RASGRF2: variants seen among roughly 807,000 people sequenced by gnomAD.
RASGRF2 encodes Ras protein specific guanine nucleotide releasing factor 2, also known as ras-specific guanine nucleotide-releasing factor 2.
RASGRF2 carries 76 observed loss-of-function variants against 151.0 expected under a neutral mutation model. That is an observed-to-expected ratio of 0.50 (90% CI 0.42 to 0.61). The LOEUF is 0.61. RASGRF2 is among the 20% of genes least tolerant of loss of function. RASGRF2 has a pLI of 0.00. For synonymous variants in RASGRF2, 504 were observed against 566.5 expected (o/e 0.89, Z 1.57); for missense variants, 1,148 against 1,564.6 (o/e 0.73, Z 4.49).
At chr5:81,051,897 A>G (rs1284861286) in intron 2 of RASGRF2, among the ~76,000 whole-genome samples, 1 of 152,182 alleles carries the variant, frequency 6.6e-6, no homozygotes, top group Non-Finnish European at 1.5e-5. Flanking sequence ...GAGATGCCAA[A>G]CTGTTTTCTA....
intron 1 of RASGRF2, among the ~76,000 whole-genome samples, chr5:81,000,516 T>C (rs974733273): frequency 6.6e-6 from 1 of 152,224 alleles, no homozygotes; most frequent in Non-Finnish European, 1.5e-5. Context: ...GTAATGGGAT[T>C]ACAGGTGAGA....
chr5:81,168,977 C>T (rs1754580142), intron 17 of RASGRF2, among the ~76,000 whole-genome samples: 1 of 152,212 alleles, frequency 6.6e-6, no homozygotes, highest in African/African-American at 2.4e-5. Flanking sequence ...GGCTCTTTGA[C>T]CAATATCTCC....
rs1389350282 is a variant in RASGRF2 at position 81,200,269 on chromosome 5, AT to A, written c.2794-1058del. Reference sequence around the variant, plus strand: ...CTGGGTGACAGAGAGAGACCCTGTGATTTAAAAAAAAAAAAAAAAAGAAGAA... The same window carrying A: ...CTGGGTGACAGAGAGAGACCCTGTGATTAAAAAAAAAAAAAAAAAGAAGAA... On this transcript the variant is annotated intron_variant, in intron 18 of 26. Transcript: ENST00000265080. Among the ~76,000 whole-genome samples, 5 of 145,940 alleles carry A rather than the reference AT, an allele frequency of 3.4e-5. 1 individual carries two copies. Among genetic ancestry groups the A allele is most frequent in the African/African-American group, 1.0e-4 (4 of 39,586 alleles).
intron 5 of RASGRF2, among the ~76,000 whole-genome samples, chr5:81,078,492 G>A (rs1752000062): frequency 6.6e-6 from 1 of 152,148 alleles, no homozygotes; most frequent in Non-Finnish European, 1.5e-5. Context: ...GTGAGAACAT[G>A]TGATACTTGT....
intron 1 of RASGRF2, among the ~76,000 whole-genome samples, chr5:80,984,044 G>T (rs938154625): frequency 2.0e-5 from 3 of 152,076 alleles, no homozygotes; most frequent in Non-Finnish European, 4.4e-5. Context: ...AATAAACTGA[G>T]CTCGTTTTTC....
chr5:81,181,790 C>G (rs895784490), intron 18 of RASGRF2, among the ~76,000 whole-genome samples: 4 of 152,128 alleles, frequency 2.6e-5, no homozygotes, highest in African/African-American at 9.7e-5. Flanking sequence ...AATCTTCTCC[C>G]CAGAGCCCTC....
chr5:81,123,392 C>T (rs1474704305), intron 15 of RASGRF2, among the ~76,000 whole-genome samples: 1 of 152,200 alleles, frequency 6.6e-6, no homozygotes, highest in Non-Finnish European at 1.5e-5. Context: ...TTAACATCTG[C>T]TGCTGCATTT....
intron 2 of RASGRF2, among the ~76,000 whole-genome samples, chr5:81,045,614 C>G (rs927841337): frequency 1.3e-5 from 2 of 151,908 alleles, no homozygotes; most frequent in African/African-American, 4.8e-5. Context: ...GACTTTTTCC[C>G]TTGATGTTTT....
intron 17 of RASGRF2, among the ~76,000 whole-genome samples, chr5:81,176,681 C>G (rs903922003): frequency 2.6e-5 from 4 of 152,164 alleles, no homozygotes. Context: ...GTATGTGTTC[C>G]TCGGCAGAGG....
chr5:81,074,736 T>C (rs1751886530), intron 5 of RASGRF2, among the ~76,000 whole-genome samples: 1 of 152,184 alleles, frequency 6.6e-6, no homozygotes, highest in African/African-American at 2.4e-5. Context: ...CCATAGTTTT[T>C]TTATAGCAGG....
At chr5:81,157,826 C>T (rs1355653264) in intron 17 of RASGRF2, among the ~76,000 whole-genome samples, 1 of 152,282 alleles carries the variant, frequency 6.6e-6, no homozygotes, top group East Asian at 1.9e-4. Context: ...GGGAAAACCG[C>T]CCCTGTGATT....
At chr5:81,202,153 G>A (rs1346020676) in intron 19 of RASGRF2, among the ~76,000 whole-genome samples, 3 of 152,024 alleles carry the variant, frequency 2.0e-5, no homozygotes, top group Admixed American at 1.3e-4. Flanking sequence ...ATGTGGAAAG[G>A]GCAGCCATTG....
intron 19 of RASGRF2, among the ~76,000 whole-genome samples, chr5:81,205,790 G>T (rs779001804): frequency 2.6e-5 from 4 of 151,774 alleles, no homozygotes; most frequent in Non-Finnish European, 4.4e-5. Flanking sequence ...TTGCTCTGTC[G>T]CCCAGGCTGG....
chr5:81,079,068 C>G (rs1258518198), intron 5 of RASGRF2, among the ~76,000 whole-genome samples: 1 of 152,148 alleles, frequency 6.6e-6, no homozygotes, highest in Non-Finnish European at 1.5e-5. Context: ...GGAAGATGGC[C>G]CCTACTTCCG....
intron 17 of RASGRF2, among the ~76,000 whole-genome samples, chr5:81,130,532 A>T (rs1280562829): frequency 6.6e-6 from 1 of 152,164 alleles, no homozygotes; most frequent in Admixed American, 6.5e-5. Flanking sequence ...AGAGAGCAGA[A>T]GGTGTACTCA....
At chr5:81,192,387 T>G (rs1208630910) in intron 18 of RASGRF2, among the ~76,000 whole-genome samples, 1 of 152,264 alleles carries the variant, frequency 6.6e-6, no homozygotes, top group Non-Finnish European at 1.5e-5. Context: ...CTTCCTTATG[T>G]TTTTCTATTA....
At chr5:80,976,704 C>T (rs145706812) in intron 1 of RASGRF2, among the ~76,000 whole-genome samples, 2 of 152,158 alleles carry the variant, frequency 1.3e-5, no homozygotes, top group Admixed American at 6.5e-5. Context: ...CCACAAGGTG[C>T]CTGGCACTGA....
intron 1 of RASGRF2, among the ~76,000 whole-genome samples, chr5:81,014,999 A>G (rs920939812): frequency 6.6e-6 from 1 of 152,044 alleles, no homozygotes; most frequent in Non-Finnish European, 1.5e-5. Context: ...GACTCACTGT[A>G]TCCTTGACCT....
At chr5:81,106,854 G>A (rs1580320517) in intron 12 of RASGRF2, among the ~76,000 whole-genome samples, 3 of 152,196 alleles carry the variant, frequency 2.0e-5, no homozygotes, top group South Asian at 4.1e-4. Context: ...CGACTTACAC[G>A]AACTAGGATA....
Sources: gnomAD v4.1 joint callset for allele counts (sites outside exome capture counted in the v4.1 genomes callset) on GRCh38, gnomAD v4.1.1 for gene constraint, MANE v1.5 for transcripts, NCBI Gene and HGNC (gene_info 2026-07-23, HGNC 2026-07-21) for gene names.